Variants in BICD1 observed in about 807,000 individuals in gnomAD.
BICD1 encodes BICD cargo adaptor 1.
BICD1 carries 35 observed loss-of-function variants against 92.5 expected under a neutral mutation model. The observed-to-expected ratio is 0.38, with a 90% confidence interval of 0.29 to 0.50. The LOEUF (loss-of-function observed/expected upper bound fraction) is 0.50. Ranked by LOEUF, BICD1 falls within the 20% of genes least tolerant of loss-of-function variation. The pLI is 0.93. For missense variants in BICD1, 950 were observed against 1,189.8 expected, an observed-to-expected ratio of 0.80 and a Z score of 2.97; for synonymous variants, 429 against 465.1, an observed-to-expected ratio of 0.92 and a Z score of 1.00.
chr12:32,305,343 GC>G (rs1948183337), intron 3 of BICD1, among the ~76,000 whole-genome samples: 1 of 151,790 alleles, frequency 6.6e-6, no homozygotes, highest in African/African-American at 2.4e-5. Flanking sequence ...GGCAAACAGT[GC>G]CCCCTTTTGA....
chr12:32,110,497 G>A (rs2030121985), intron 1 of BICD1, among the ~76,000 whole-genome samples: 1 of 152,116 alleles, frequency 6.6e-6, no homozygotes, highest in South Asian at 2.1e-4. Flanking sequence ...ATGTCCACTA[G>A]AATACTTGAG....
At chr12:32,347,153 G>A (rs1777085943) in intron 8 of BICD1, among the ~76,000 whole-genome samples, 1 of 150,962 alleles carries the variant, frequency 6.6e-6, no homozygotes, top group African/African-American at 2.4e-5. Context: ...GTTTCTCCAT[G>A]TTGGTCAGGC....
intron 8 of BICD1, among the ~76,000 whole-genome samples, chr12:32,344,691 T>A (rs1448169420): frequency 6.6e-6 from 1 of 152,226 alleles, no homozygotes; most frequent in Non-Finnish European, 1.5e-5. Flanking sequence ...TTCCATGTTC[T>A]GTATGTGGAA....
At chr12:32,227,454 G>A (rs1354543419) in intron 2 of BICD1, 1 of 152,406 alleles carries the variant, frequency 6.6e-6, no homozygotes, top group African/African-American at 2.4e-5. Flanking sequence ...GCAGAGGCTG[G>A]TTCCTAGGTA....
intron 8 of BICD1, among the ~76,000 whole-genome samples, chr12:32,347,143 G>C (rs1402092229): frequency 6.6e-6 from 1 of 150,746 alleles, no homozygotes; most frequent in Non-Finnish European, 1.5e-5. Context: ...TAGAGACAGG[G>C]TTTCTCCATG....
chr12:32,226,409 C>T (rs1397490636), intron 2 of BICD1, among the ~76,000 whole-genome samples: 1 of 152,264 alleles, frequency 6.6e-6, no homozygotes, highest in East Asian at 1.9e-4. Context: ...GCTTGGATTA[C>T]AGGCGTTAGC....
Position 32,295,372 on chromosome 12 carries a change from T to C in BICD1, c.579+1226T>C, listed in dbSNP as rs766132210. On this transcript the variant is annotated intron_variant, in intron 3 of 9. Transcript: ENST00000652176. ...AGGTGCTTCCTCAGCGACACCTCTA[T>C]TCTGGTCTAAACGCTGTTGCCACCT... is the stretch of plus-strand genomic sequence containing the variant. Among the ~76,000 whole-genome samples the C allele has an allele frequency of 3.9e-5, 6 of 152,304 alleles. No individual in the cohort carries two copies. The South Asian group carries it at 1.2e-3, about 32-fold the overall frequency.
chr12:32,268,786 TAAATA>T (rs916294601), intron 2 of BICD1, among the ~76,000 whole-genome samples: 1 of 151,992 alleles, frequency 6.6e-6, no homozygotes, highest in African/African-American at 2.4e-5. Flanking sequence ...ACAATAAAAA[TAAATA>T]AATGAAATGA....
chr12:32,266,277 A>G (rs1298890486), intron 2 of BICD1, among the ~76,000 whole-genome samples: 1 of 152,218 alleles, frequency 6.6e-6, no homozygotes, highest in Non-Finnish European at 1.5e-5. Flanking sequence ...TTCTTGTCTT[A>G]GAAACACTAG....
At chr12:32,161,761 A>C (rs1022255420) in intron 1 of BICD1, among the ~76,000 whole-genome samples, 16 of 152,330 alleles carry the variant, frequency 1.1e-4, no homozygotes, top group African/African-American at 3.8e-4. Context: ...TCTTAAGTGC[A>C]GGGAAGTATA....
intron 3 of BICD1, among the ~76,000 whole-genome samples, chr12:32,303,459 GTTTTTTCC>G (rs1948119285): frequency 6.6e-6 from 1 of 152,144 alleles, no homozygotes; most frequent in South Asian, 2.1e-4. Context: ...GTATTTCTCA[GTTTTTTCC>G]TGGGCCCAGT....
At chr12:32,307,454 T>C (rs1004534701) in intron 4 of BICD1, among the ~76,000 whole-genome samples, 1 of 152,214 alleles carries the variant, frequency 6.6e-6, no homozygotes. Flanking sequence ...CCTGGGGGCT[T>C]ATTTATACAA....
chr12:32,286,443 A>G (rs1947569782), intron 2 of BICD1, among the ~76,000 whole-genome samples: 1 of 152,160 alleles, frequency 6.6e-6, no homozygotes, highest in East Asian at 1.9e-4. Flanking sequence ...TTAAGATAAT[A>G]TGTTTCTACA....
chr12:32,163,551 G>A lies in BICD1; in HGVS notation c.214-52696G>A, dbSNP rs191024356. On this transcript the variant is annotated intron_variant, in intron 1 of 9. Coordinates refer to ENST00000652176, the MANE Select transcript of BICD1 (RefSeq NM_001714.4). ...CATTATGTATTCAGTTTGGTATCCT[G>A]CTTGTTCACTCAAGACTGTATTATG... Among the ~76,000 whole-genome samples the A allele has an allele frequency of 2.7e-3, 413 of 152,184 alleles. 2 individuals carry two copies. Among genetic ancestry groups the A allele is most frequent in the African/African-American group, 9.7e-3 (401 of 41,528 alleles).
chr12:32,200,938 T>C (rs1944889312), intron 1 of BICD1, among the ~76,000 whole-genome samples: 1 of 152,204 alleles, frequency 6.6e-6, no homozygotes, highest in Admixed American at 6.5e-5. Context: ...TTTCTTTGCT[T>C]AATACTAAAA....
intron 1 of BICD1, among the ~76,000 whole-genome samples, chr12:32,206,244 A>G (rs1376047811): frequency 2.0e-5 from 3 of 152,244 alleles, no homozygotes; most frequent in South Asian, 4.1e-4. Flanking sequence ...TGGTAGGAAT[A>G]TGCATATAGT....
intron 8 of BICD1, among the ~76,000 whole-genome samples, chr12:32,358,031 T>A (rs1409328504): frequency 6.6e-6 from 1 of 152,186 alleles, no homozygotes; most frequent in Non-Finnish European, 1.5e-5. Flanking sequence ...AGAAAATCAC[T>A]TAACCCTTCT....
intron 2 of BICD1, among the ~76,000 whole-genome samples, chr12:32,266,456 G>C (rs758883495): frequency 1.3e-5 from 2 of 152,042 alleles, no homozygotes; most frequent in Non-Finnish European, 2.9e-5. Flanking sequence ...CTAACTCTTG[G>C]AAACTCCTTC....
chr12:32,295,033 G>A (rs979497406), intron 3 of BICD1, among the ~76,000 whole-genome samples: 4 of 136,544 alleles, frequency 2.9e-5, no homozygotes, highest in Non-Finnish European at 4.6e-5. Flanking sequence ...AGTGAGCCGA[G>A]ATTACACCAC....
Sources: gnomAD v4.1 joint callset for allele counts (sites outside exome capture counted in the v4.1 genomes callset) on GRCh38, gnomAD v4.1.1 for gene constraint, MANE v1.5 for transcripts, NCBI Gene and HGNC (gene_info 2026-07-23, HGNC 2026-07-21) for gene names.